Variants in PASD1 observed in about 807,000 individuals in gnomAD.
The protein encoded by PASD1 is circadian clock protein PASD1.
Under a neutral mutation model 58.8 loss-of-function variants are expected in PASD1, and 13 were observed. The ratio of observed to expected loss-of-function variants is 0.22; its 90% CI spans 0.14 to 0.35. The LOEUF is 0.35. Among genes scored for constraint, PASD1 ranks in the 10% least tolerant of loss-of-function variants. PASD1 has a pLI of 1.00. For missense variants in PASD1, 734 were observed against 568.3 expected (o/e 1.29, Z -2.96); for synonymous variants, 236 against 216.7 (o/e 1.09, Z -0.78).
chrX:151,625,361 T>G (rs1001093568), intron 7 of PASD1, 87 bp from the exon 8 acceptor site: 1 of 620,864 alleles, frequency 1.6e-6, no homozygotes, highest in Non-Finnish European at 2.5e-6. Context: ...ACATTGGATA[T>G]GAGCATGCCT....
intron 8 of PASD1, among the ~76,000 whole-genome samples, chrX:151,643,047 C>T (rs774542526): frequency 1.8e-5 from 2 of 111,856 alleles, no homozygotes; most frequent in South Asian, 3.8e-4. Context: ...TTCCTTCCAA[C>T]GATAGTCTTA....
At chrX:151,600,156 C>G (rs931829275) in intron 1 of PASD1, among the ~76,000 whole-genome samples, 3 of 111,393 alleles carry the variant, frequency 2.7e-5, no homozygotes, top group Non-Finnish European at 3.8e-5. Flanking sequence ...CCCAGGCACT[C>G]GACAGGCTGA....
chrX:151,629,042 T>G (rs1334262344), intron 8 of PASD1, among the ~76,000 whole-genome samples: 5 of 112,061 alleles, frequency 4.5e-5, no homozygotes, highest in Middle Eastern at 4.6e-3. Flanking sequence ...TATTGATTTT[T>G]TATCCTGAGA....
At chrX:151,606,300 G>A (rs1341759008) in intron 3 of PASD1, among the ~76,000 whole-genome samples, 3 of 112,180 alleles carry the variant, frequency 2.7e-5, no homozygotes, top group Non-Finnish European at 5.6e-5. Flanking sequence ...GGACAGTAGA[G>A]GGCTCTTTCT....
intron 8 of PASD1, among the ~76,000 whole-genome samples, chrX:151,632,148 T>C (rs764557928): frequency 2.7e-5 from 3 of 110,448 alleles, no homozygotes; most frequent in Non-Finnish European, 3.8e-5. Context: ...GAAAGGGGTA[T>C]AGGGAATGTT....
At chrX:151,576,098 C>T (rs1261345314) in intron 1 of PASD1, among the ~76,000 whole-genome samples, 1 of 108,579 alleles carries the variant, frequency 9.2e-6, no homozygotes, top group Non-Finnish European at 1.9e-5. Context: ...GAACTCCTGA[C>T]CTCAAGTGAT....
intron 8 of PASD1, among the ~76,000 whole-genome samples, chrX:151,626,705 CAAG>C (rs757532729): frequency 1.8e-4 from 20 of 111,729 alleles, no homozygotes; most frequent in African/African-American, 6.5e-4. Context: ...AATAAGCAAA[CAAG>C]AGAACTTTGC....
intron 1 of PASD1, among the ~76,000 whole-genome samples, chrX:151,598,061 C>T (rs1397121928): frequency 8.9e-6 from 1 of 112,281 alleles, no homozygotes; most frequent in East Asian, 2.8e-4. Context: ...AACTTGTTTA[C>T]TAGTTTTTGT....
Position 151,672,603 on chromosome X carries a change from C to G in PASD1, c.1858C>G (p.Gln620Glu). 8.2e-7 allele frequency: 1 copy of G among 1,212,203 alleles called. No individual in the cohort carries two copies. Among genetic ancestry groups the G allele is most frequent in the Non-Finnish European group, 1.1e-6 (1 of 895,653 alleles). ...IVPVQRAAEQQPSGFYQDENC... is the reference protein window; with the variant it reads ...IVPVQRAAEQEPSGFYQDENC... ...TCCTGTCCAGAGAGCAGCTGAACAA[C>G]AGCCCTCTGGCTTCTATCAAGATGA... Residue 620 changes from glutamine to glutamate, a missense_variant, in exon 14 of 16, where the codon CAG (glutamine) becomes GAG (glutamate). Gln to Glu is a conservative substitution (Grantham distance 29). Coordinates refer to ENST00000370357, the MANE Select transcript of PASD1 (RefSeq NM_173493.3).
chrX:151,589,808 A>T lies in PASD1; in HGVS notation c.-27-11719A>T, dbSNP rs757910574. Among the ~76,000 whole-genome samples, 4 of 111,798 alleles carry T rather than the reference A, an allele frequency of 3.6e-5. No homozygotes were observed. The East Asian group carries it at 8.4e-4, about 24-fold the overall frequency. The stretch of plus-strand genomic sequence containing the variant: ...TAATTGTAACAAACTTTAAAAATAT[A>T]AAAAAAATGTACTTGCTCATTGTTC... On this transcript the variant is annotated intron_variant, in intron 1 of 15. Transcript: ENST00000370357.
chrX:151,580,366 G>A lies in PASD1; in HGVS notation c.-28+16527G>A, dbSNP rs774549384. On this transcript the variant is annotated intron_variant, in intron 1 of 15. Transcript: ENST00000370357. ...TCCGGAAAGATGTGTTACATGATGT[G>A]TGTTATCTTTAGTTCCACAAACGAG... is the stretch of plus-strand genomic sequence containing the variant. Among the ~76,000 whole-genome samples, 23 of 111,682 alleles carry A rather than the reference G, an allele frequency of 2.1e-4. No homozygotes were observed. The East Asian group carries it at 6.2e-3, about 30-fold the overall frequency.
At chrX:151,626,071 A>T (rs773915791) in intron 8 of PASD1, among the ~76,000 whole-genome samples, 11 of 112,502 alleles carry the variant, frequency 9.8e-5, no homozygotes, top group Non-Finnish European at 1.5e-4. Flanking sequence ...TTTATTTTTT[A>T]AAAAAAGCAT....
At chrX:151,619,757 A>T (rs1394021981) in intron 4 of PASD1, among the ~76,000 whole-genome samples, 1 of 111,358 alleles carries the variant, frequency 9.0e-6, no homozygotes, top group Non-Finnish European at 1.9e-5. Context: ...AAACTTCATT[A>T]GTGTGGTTTC....
At chrX:151,650,593 T>G (rs1458387737) in intron 9 of PASD1, among the ~76,000 whole-genome samples, 1 of 111,943 alleles carries the variant, frequency 8.9e-6, no homozygotes, top group African/African-American at 3.2e-5. Flanking sequence ...TTTTTAAAAC[T>G]GTATAATATT....
chrX:151,646,840 C>T (rs1450459694), intron 8 of PASD1, among the ~76,000 whole-genome samples: 1 of 112,683 alleles, frequency 8.9e-6, no homozygotes, highest in Admixed American at 9.4e-5. Flanking sequence ...AGTAATTGCT[C>T]TCCATTGTGT....
intron 7 of PASD1, among the ~76,000 whole-genome samples, chrX:151,625,124 G>GA (rs1412446897): frequency 8.9e-6 from 1 of 111,946 alleles, no homozygotes; most frequent in African/African-American, 3.2e-5. Context: ...ACATTTTGGA[G>GA]AAAAAAATCT....
chrX:151,656,740 A>G (rs757485281), intron 9 of PASD1, among the ~76,000 whole-genome samples: 1 of 112,112 alleles, frequency 8.9e-6, no homozygotes, highest in Admixed American at 9.5e-5. Context: ...GTTGCTTATC[A>G]GCTTAAGGAC....
chrX:151,643,907 AC>A (rs2014026702), intron 8 of PASD1, among the ~76,000 whole-genome samples: 1 of 112,094 alleles, frequency 8.9e-6, no homozygotes. Flanking sequence ...TAAGATACAG[AC>A]CCCTGGGTAG....
chrX:151,667,791 G>T lies in PASD1; in HGVS notation c.1072-3247G>T, dbSNP rs552607282. 4.5e-5 allele frequency among the ~76,000 whole-genome samples: 5 copies of T among 111,895 alleles called. No homozygotes were observed. The South Asian group carries it at 1.9e-3, about 42-fold the overall frequency. On this transcript the variant is annotated intron_variant, in intron 11 of 15. Transcript: ENST00000370357. Reference sequence around the variant, plus strand: ...CTGTTTTGGTTACTGTAGCCTTGTGGTATAGTTTGAAGTCAGGTAGCATGA... The same window carrying T: ...CTGTTTTGGTTACTGTAGCCTTGTGTTATAGTTTGAAGTCAGGTAGCATGA...
Sources: gnomAD v4.1 joint callset for allele counts (sites outside exome capture counted in the v4.1 genomes callset) on GRCh38, gnomAD v4.1.1 for gene constraint, MANE v1.5 for transcripts, NCBI Gene and HGNC (gene_info 2026-07-23, HGNC 2026-07-21) for gene names.